EFCAB11: variants seen among roughly 807,000 people sequenced by gnomAD.
EFCAB11 encodes the protein EF-hand calcium binding domain 11.
Under a neutral mutation model 23.0 loss-of-function variants are expected in EFCAB11, and 14 were observed. The observed-to-expected ratio is 0.61, with a 90% CI of 0.40 to 0.95. The LOEUF is 0.95. Ranked by LOEUF, EFCAB11 falls within the 40% of genes least tolerant of loss-of-function variation. The pLI, the probability that EFCAB11 is intolerant of heterozygous loss-of-function variation, is 0.00. For missense variants in EFCAB11, 198 were observed against 195.8 expected, an observed-to-expected ratio of 1.01 and a Z score of -0.07; for synonymous variants, 65 against 66.6, an observed-to-expected ratio of 0.98 and a Z score of 0.11.
At chr14:89,931,374 C>T (rs57465932) in intron 5 of EFCAB11, 167 bp downstream of exon 5, 102,762 of 635,524 alleles carry the variant, frequency 0.16, 10,094 homozygotes, top group South Asian at 0.29. Context: ...ATGGAAGGAC[C>T]CATAGCTAAC....
chr14:89,836,430 C>T, intron 5 of EFCAB11: 1 of 381,608 alleles, frequency 2.6e-6, no homozygotes, highest in Non-Finnish European at 5.2e-6. Context: ...AGTACCTTTG[C>T]AGGCCTCTTC....
intron 5 of EFCAB11, among the ~76,000 whole-genome samples, chr14:89,866,665 T>G (rs1368650261): frequency 6.6e-6 from 1 of 152,222 alleles, no homozygotes; most frequent in African/African-American, 2.4e-5. Context: ...GGCTGAAACA[T>G]GTCTCCCTCA....
intron 5 of EFCAB11, among the ~76,000 whole-genome samples, chr14:89,884,902 G>A (rs576154031): frequency 6.6e-6 from 1 of 152,322 alleles, no homozygotes; most frequent in East Asian, 1.9e-4. Context: ...GTCCAGGAAA[G>A]GACCCAGAAG....
intron 5 of EFCAB11, among the ~76,000 whole-genome samples, chr14:89,808,119 C>A (rs1037990786): frequency 1.3e-5 from 2 of 152,192 alleles, no homozygotes; most frequent in South Asian, 4.1e-4. Context: ...TTCCGGGGAA[C>A]ACAGCTAGAC....
intron 3 of EFCAB11, among the ~76,000 whole-genome samples, chr14:89,942,533 G>A (rs969599740): frequency 2.0e-5 from 3 of 152,128 alleles, no homozygotes; most frequent in Admixed American, 1.3e-4. Flanking sequence ...GAAAAGTTAT[G>A]AAGTGCATCA....
intron 5 of EFCAB11, among the ~76,000 whole-genome samples, chr14:89,898,703 A>AC (rs1889251358): frequency 7.8e-6 from 1 of 128,064 alleles, no homozygotes; most frequent in Non-Finnish European, 1.6e-5. Context: ...GCAAAGTATC[A>AC]CTCTGTCATC....
intron 5 of EFCAB11, among the ~76,000 whole-genome samples, chr14:89,905,823 C>T (rs1054816027): frequency 4.6e-5 from 7 of 152,068 alleles, no homozygotes; most frequent in Non-Finnish European, 1.0e-4. Context: ...AGCAGAAAGA[C>T]ACTGAATGAG....
chr14:89,949,467 C>CA (rs1891089169), intron 3 of EFCAB11, among the ~76,000 whole-genome samples: 1 of 152,138 alleles, frequency 6.6e-6, no homozygotes, highest in Non-Finnish European at 1.5e-5. Flanking sequence ...TCAGTTCAAG[C>CA]AATTCTCCTG....
At chr14:89,827,556 C>A (rs564466505) in intron 5 of EFCAB11, among the ~76,000 whole-genome samples, 16 of 151,896 alleles carry the variant, frequency 1.1e-4, no homozygotes, top group African/African-American at 3.9e-4. Flanking sequence ...AGTTTGGAGC[C>A]CAGAGACAGT....
At chr14:89,797,890 G>A (rs1190293379) in intron 5 of EFCAB11, among the ~76,000 whole-genome samples, 4 of 152,002 alleles carry the variant, frequency 2.6e-5, no homozygotes, top group Admixed American at 6.6e-5. Context: ...CCGAGATCAC[G>A]CCACTGCACT....
intron 5 of EFCAB11, among the ~76,000 whole-genome samples, chr14:89,809,282 T>A (rs1886073596): frequency 6.6e-6 from 1 of 152,218 alleles, no homozygotes; most frequent in Non-Finnish European, 1.5e-5. Context: ...CAATAATGCG[T>A]AAATCACTAA....
intron 5 of EFCAB11, among the ~76,000 whole-genome samples, chr14:89,834,981 C>T (rs1442332497): frequency 6.6e-6 from 1 of 152,180 alleles, no homozygotes; most frequent in Non-Finnish European, 1.5e-5. Context: ...GAAAGTTAGC[C>T]ATCATCCCCC....
intron 3 of EFCAB11, among the ~76,000 whole-genome samples, chr14:89,948,905 C>T (rs1392075438): frequency 6.6e-6 from 1 of 151,188 alleles, no homozygotes; most frequent in African/African-American, 2.4e-5. Flanking sequence ...TAGAGTAAGA[C>T]CTAGTATTTG....
intron 5 of EFCAB11, among the ~76,000 whole-genome samples, chr14:89,876,423 A>G (rs1407722604): frequency 1.3e-5 from 2 of 152,182 alleles, no homozygotes. Flanking sequence ...CCATTTGGGT[A>G]GCTGATTAGG....
chr14:89,830,483 C>T (rs915108373), intron 5 of EFCAB11: 1 of 152,142 alleles, frequency 6.6e-6, no homozygotes, highest in African/African-American at 2.4e-5. Context: ...TAGTAATTCA[C>T]TTTTATTAAT....
At chr14:89,953,150 C>A (rs759654658) in intron 2 of EFCAB11, among the ~76,000 whole-genome samples, 5 of 151,574 alleles carry the variant, frequency 3.3e-5, no homozygotes, top group Non-Finnish European at 7.4e-5. Flanking sequence ...GGAACTTATT[C>A]CACAGATATA....
intron 3 of EFCAB11, chr14:89,938,296 A>C (rs2139822381): frequency 6.6e-6 from 1 of 152,336 alleles, no homozygotes; most frequent in African/African-American, 2.4e-5. Flanking sequence ...GGAGTTAAAA[A>C]AATGCTTAAA....
intron 5 of EFCAB11, among the ~76,000 whole-genome samples, chr14:89,884,544 A>G (rs958521344): frequency 6.6e-6 from 1 of 152,152 alleles, no homozygotes; most frequent in South Asian, 2.1e-4. Flanking sequence ...TATGTGGGAG[A>G]CCCTAGCTGA....
At chr14:89,924,282 G>T in intron 5 of EFCAB11, 2 of 1,013,468 alleles carry the variant, frequency 2.0e-6, no homozygotes, top group Non-Finnish European at 1.2e-6. Flanking sequence ...AAAAATATCA[G>T]GATATAACTT....
Sources: allele counts gnomAD v4.1 joint callset (sites outside exome capture counted in the v4.1 genomes callset), GRCh38; gene constraint gnomAD v4.1.1; transcripts MANE v1.5; gene names NCBI Gene and HGNC (gene_info 2026-07-23, HGNC 2026-07-21).